Variants in HK1 observed in about 807,000 individuals in gnomAD.
The protein encoded by HK1 is hexokinase-1.
In HK1, 28 loss-of-function variants were observed where a neutral mutation model predicts 91.6. The observed-to-expected ratio is 0.31, with a 90% CI of 0.23 to 0.42. The LOEUF is 0.42. Ranked by LOEUF, HK1 falls within the 10% of genes least tolerant of loss-of-function variation. The pLI, the probability that HK1 is intolerant of heterozygous loss-of-function variation, is 1.00. For synonymous variants in HK1, 430 were observed against 468.1 expected, an observed-to-expected ratio of 0.92 and a Z score of 1.05; for missense variants, 770 against 1,219.8, an observed-to-expected ratio of 0.63 and a Z score of 5.49.
rs1305447684 is a variant in HK1 at position 69,401,295 on chromosome 10, G to C, written c.*160G>C. On this transcript the variant is annotated 3_prime_UTR_variant, in exon 18 of 18. Coordinates refer to ENST00000359426, the MANE Select transcript of HK1 (RefSeq NM_000188.3). ...CTAATGGTATATATTGTAGGGTACA[G>C]AATAGAGCGTGTGCTGTTGATAATA... is the stretch of plus-strand genomic sequence containing the variant. The C allele has an allele frequency of 1.7e-5, 13 of 753,552 alleles. No homozygotes were observed. In the Middle Eastern group the frequency reaches 2.5e-3, roughly 147 times the overall value. The allele number at this position is 753,552 out of a possible 1,614,324, so 46.7% of individuals were successfully genotyped here.
In HK1 at chr10:69,369,481, C is replaced by T. The variant is rs1849886828; in HGVS notation, c.732C>T (p.His244=). The change falls in exon 7 of 18, where the codon CAC becomes CAT. Residue 244 remains histidine (H), a synonymous_variant. Coordinates refer to ENST00000359426, the MANE Select transcript of HK1 (RefSeq NM_000188.3). The surrounding 1 kb of genome is among the most constrained non-coding windows in gnomAD (Gnocchi z 4.4). ...CTTGCTACATGGAGGAACTGAGGCA[C>T]ATTGATCTGGTGGAAGGAGACGAGG... ...TNACYMEELR[H]IDLVEGDEGR... The T allele has an allele frequency of 6.2e-7, 1 of 1,614,074 alleles. No homozygotes were observed. The highest frequency in any genetic ancestry group is 1.3e-5 in the African/African-American group (1 of 74,928).
chr10:69,347,680 C>T (rs1049232004), intron 2 of HK1, among the ~76,000 whole-genome samples: 4 of 151,978 alleles, frequency 2.6e-5, no homozygotes, highest in East Asian at 1.9e-4. Flanking sequence ...GTGATCTGCC[C>T]GCCTTGGCCC....
intron 2 of HK1, among the ~76,000 whole-genome samples, chr10:69,284,969 A>G (rs896750820): frequency 6.6e-6 from 1 of 151,938 alleles, no homozygotes; most frequent in African/African-American, 2.4e-5. Context: ...GGTGCCAGCC[A>G]CCACGCCCGG....
chr10:69,313,764 G>C (rs1846499578), upstream of HK1, among the ~76,000 whole-genome samples: 1 of 152,158 alleles, frequency 6.6e-6, no homozygotes, highest in Admixed American at 6.5e-5. Flanking sequence ...CAAAGTGCTG[G>C]GATTACAGGC....
At chr10:69,296,794 G>A (rs1445905232) in intron 4 of HK1, among the ~76,000 whole-genome samples, 2 of 152,226 alleles carry the variant, frequency 1.3e-5, no homozygotes, top group Non-Finnish European at 1.5e-5. Context: ...GTCCAGTTGA[G>A]AAACTCTGAC....
At chr10:69,307,276 C>T (rs189874071) in intron 5 of HK1, among the ~76,000 whole-genome samples, 2 of 152,106 alleles carry the variant, frequency 1.3e-5, no homozygotes, top group Non-Finnish European at 2.9e-5. Flanking sequence ...GAAGTCTCCA[C>T]CCCCACCCCC....
chr10:69,306,657 G>A (rs1846123065), intron 5 of HK1, among the ~76,000 whole-genome samples: 1 of 152,216 alleles, frequency 6.6e-6, no homozygotes, highest in African/African-American at 2.4e-5. Context: ...TTTGGCGCAG[G>A]TGAAGGAAGG....
chr10:69,281,706 A>G (rs1180539457), intron 1 of HK1, among the ~76,000 whole-genome samples: 1 of 152,198 alleles, frequency 6.6e-6, no homozygotes, highest in Non-Finnish European at 1.5e-5. Flanking sequence ...GAATAGTAGG[A>G]AAAAAGGAAG....
At chr10:69,399,625 G>A (rs1234893442) in intron 17 of HK1, among the ~76,000 whole-genome samples, 6 of 152,072 alleles carry the variant, frequency 3.9e-5, no homozygotes, top group Admixed American at 3.9e-4. Flanking sequence ...GGCAGGGAGG[G>A]GTAGGGAGTG....
At chr10:69,373,194 G>T (rs944040104) in intron 7 of HK1, among the ~76,000 whole-genome samples, 3 of 152,206 alleles carry the variant, frequency 2.0e-5, no homozygotes, top group Non-Finnish European at 2.9e-5. Context: ...AAATCTCAGT[G>T]TGTTAGATTT....
At chr10:69,383,022 C>G (rs1296729916) in intron 10 of HK1, among the ~76,000 whole-genome samples, 1 of 152,196 alleles carries the variant, frequency 6.6e-6, no homozygotes, top group Non-Finnish European at 1.5e-5. Flanking sequence ...AGTGCTATCT[C>G]TAAAACCACA....
At chr10:69,328,595 C>T (rs1385710718) in intron 1 of HK1, among the ~76,000 whole-genome samples, 1 of 152,204 alleles carries the variant, frequency 6.6e-6, no homozygotes, top group Non-Finnish European at 1.5e-5. Context: ...AGCATTCAGC[C>T]TCATCAAGGC....
chr10:69,366,137 T>A (rs2132797792), intron 4 of HK1, among the ~76,000 whole-genome samples: 1 of 152,312 alleles, frequency 6.6e-6, no homozygotes, highest in South Asian at 2.1e-4. Flanking sequence ...GGCCAGGCTC[T>A]GTTTTAATAC....
intron 11 of HK1, 140 bp downstream of exon 11, chr10:69,384,621 C>G: frequency 7.1e-7 from 1 of 1,417,482 alleles, no homozygotes; most frequent in Non-Finnish European, 9.9e-7. Flanking sequence ...TGCTTTTTGC[C>G]ATGCCTGGCT....
chr10:69,303,413 TAGAGAA>T (rs1845971818), intron 5 of HK1, among the ~76,000 whole-genome samples: 1 of 147,312 alleles, frequency 6.8e-6, no homozygotes, highest in Non-Finnish European at 1.5e-5. Context: ...AGAATTGCAA[TAGAGAA>T]AGAGTAACTC....
chr10:69,356,882 CAAAA>C (rs778360296), intron 2 of HK1, among the ~76,000 whole-genome samples: 2 of 62,034 alleles, frequency 3.2e-5, no homozygotes, highest in Non-Finnish European at 3.0e-5. Flanking sequence ...AACTCCATCT[CAAAA>C]AAAAAAAAAA....
At chr10:69,331,820 G>GC (rs1847735782) in intron 1 of HK1, among the ~76,000 whole-genome samples, 1 of 152,018 alleles carries the variant, frequency 6.6e-6, no homozygotes, top group Non-Finnish European at 1.5e-5. Flanking sequence ...AGGCTGCAGT[G>GC]AGCCATGATT....
chr10:69,398,600 G>A lies in HK1; in HGVS notation c.2381G>A (p.Arg794Gln), dbSNP rs780518562. The A allele has an allele frequency of 1.2e-5, 19 of 1,612,814 alleles. No individual in the cohort carries two copies. The highest frequency in any genetic ancestry group is 2.2e-5 in the East Asian group (1 of 44,886). ...CTGGCTCTTGTCCCCCACAGTGACCGATTAGCACTGCTCCAGGTCCGGGCT... is the reference window on the plus strand; with the variant it reads ...CTGGCTCTTGTCCCCCACAGTGACCAATTAGCACTGCTCCAGGTCCGGGCT... ...TKFLSQIESD[R>Q]LALLQVRAIL... The change falls in exon 17 of 18, where the codon CGA becomes CAA. Residue 794 changes from arginine to glutamine, a missense_variant. Around this residue, in one of 7 missense-constraint regions of HK1, gnomAD observed 25 missense variants for 74.1 expected, o/e 0.34. Transcript: ENST00000359426.
chr10:69,401,430 A>T lies in HK1; in HGVS notation c.*295A>T. 1 of 497,296 alleles carries T rather than the reference A, an allele frequency of 2.0e-6. No individual in the cohort carries two copies. The highest frequency in any genetic ancestry group is 3.7e-6 in the Non-Finnish European group (1 of 270,864). The allele number at this position is 497,296 out of a possible 1,614,324, so 30.8% of individuals were successfully genotyped here. A position where few individuals can be genotyped will look rare whatever the true frequency, so the allele number is the denominator to read the frequency against. Reference sequence around the variant, plus strand: ...GCATCCATTTCTAATGTATGCATTCATCCAACAGAGTTATTTATTGGCTGG... The same window carrying T: ...GCATCCATTTCTAATGTATGCATTCTTCCAACAGAGTTATTTATTGGCTGG... On this transcript the variant is annotated 3_prime_UTR_variant, in exon 18 of 18. Coordinates refer to ENST00000359426, the MANE Select transcript of HK1 (RefSeq NM_000188.3).
Sources: gnomAD v4.1 joint callset for allele counts (sites outside exome capture counted in the v4.1 genomes callset) on GRCh38, gnomAD v4.1.1 for gene constraint, gnomAD v4.1.1 regional missense constraint, Gnocchi (gnomAD v3.1) non-coding constraint, MANE v1.5 for transcripts, NCBI Gene and HGNC (gene_info 2026-07-23, HGNC 2026-07-21) for gene names.